The following SMOC1 variants were observed in gnomAD, a reference collection of about 807,000 sequenced individuals.
SMOC1 encodes SPARC-related modular calcium-binding protein 1.
A neutral mutation model predicts 56.3 loss-of-function variants in SMOC1; 22 were observed. The ratio of observed to expected loss-of-function variants is 0.39; its 90% CI spans 0.28 to 0.56. The LOEUF is 0.56. Among genes scored for constraint, SMOC1 ranks in the 20% least tolerant of loss-of-function variants. The pLI, the probability that SMOC1 is intolerant of heterozygous loss-of-function variation, is 0.61. For synonymous variants in SMOC1, 193 were observed against 215.0 expected, an observed-to-expected ratio of 0.90 and a Z score of 0.89; for missense variants, 509 against 565.4, an observed-to-expected ratio of 0.90 and a Z score of 1.01.
chr14:69,940,928 T>A (rs1469936647), intron 1 of SMOC1, among the ~76,000 whole-genome samples: 1 of 152,110 alleles, frequency 6.6e-6, no homozygotes, highest in African/African-American at 2.4e-5. Flanking sequence ...TAGTATTTAG[T>A]GACAGGGCAG....
At chr14:69,945,889 C>A (rs913215401) in intron 1 of SMOC1, among the ~76,000 whole-genome samples, 1 of 152,172 alleles carries the variant, frequency 6.6e-6, no homozygotes, top group African/African-American at 2.4e-5. Context: ...TCCTTCTCTA[C>A]ACCCAGGAAA....
chr14:69,895,772 G>T (rs914593967), intron 1 of SMOC1, among the ~76,000 whole-genome samples: 1 of 151,952 alleles, frequency 6.6e-6, no homozygotes, highest in African/African-American at 2.4e-5. Context: ...CCCCCATCAA[G>T]GTAGAGCCTT....
intron 1 of SMOC1, among the ~76,000 whole-genome samples, chr14:69,937,520 A>G (rs1460281552): frequency 1.3e-5 from 2 of 152,094 alleles, no homozygotes; most frequent in African/African-American, 2.4e-5. Flanking sequence ...TCCTTGGCCC[A>G]GTTTGGGTCA....
At chr14:69,996,643 A>T (rs1384552776) in intron 7 of SMOC1, among the ~76,000 whole-genome samples, 1 of 152,208 alleles carries the variant, frequency 6.6e-6, no homozygotes, top group African/African-American at 2.4e-5. Flanking sequence ...TGGCCTGGCC[A>T]CGTTTATTTT....
intron 1 of SMOC1, among the ~76,000 whole-genome samples, chr14:69,932,505 A>G (rs1885193488): frequency 6.6e-6 from 1 of 152,232 alleles, no homozygotes; most frequent in Non-Finnish European, 1.5e-5. Flanking sequence ...GAATGGGGGC[A>G]GTGGGAGCTG....
intron 1 of SMOC1, chr14:69,886,173 C>T: frequency 9.9e-7 from 1 of 1,014,022 alleles, no homozygotes; most frequent in Non-Finnish European, 1.5e-6. Context: ...CTCCTTTGAA[C>T]AACTTCTATA....
In SMOC1 at chr14:69,942,858, G is replaced by C. The variant is rs372620555; in HGVS notation, c.100-9280G>C. On this transcript the variant is annotated intron_variant, in intron 1 of 11. Transcript: ENST00000361956. ...CATGTAGGTTAACTTGGCCCCGTTTGCGTTCTTATTAGGGTCTCTTTAGAT... is the reference window on the plus strand; with the variant it reads ...CATGTAGGTTAACTTGGCCCCGTTTCCGTTCTTATTAGGGTCTCTTTAGAT... Among the ~76,000 whole-genome samples the C allele has an allele frequency of 4.0e-4, 61 of 152,316 alleles. No individual in the cohort carries two copies. In the East Asian group the frequency reaches 9.8e-3, roughly 25 times the overall value.
intron 3 of SMOC1, among the ~76,000 whole-genome samples, chr14:69,959,006 A>G (rs1354377804): frequency 6.6e-6 from 1 of 152,228 alleles, no homozygotes; most frequent in Non-Finnish European, 1.5e-5. Flanking sequence ...ACAATATGGA[A>G]GTATATAAGG....
At chr14:70,001,972 G>C (rs374586037) in intron 7 of SMOC1, among the ~76,000 whole-genome samples, 1 of 152,182 alleles carries the variant, frequency 6.6e-6, no homozygotes, top group Non-Finnish European at 1.5e-5. Flanking sequence ...CCTTCGATAG[G>C]AGTATGCAGG....
intron 1 of SMOC1, among the ~76,000 whole-genome samples, chr14:69,949,012 A>T (rs1044662317): frequency 3.3e-5 from 5 of 152,194 alleles, no homozygotes; most frequent in African/African-American, 1.2e-4. Flanking sequence ...GACTTCACAA[A>T]GTCAAAAACT....
chr14:69,949,146 G>A (rs1003181287), intron 1 of SMOC1, among the ~76,000 whole-genome samples: 6 of 152,226 alleles, frequency 3.9e-5, no homozygotes, highest in Non-Finnish European at 7.3e-5. Flanking sequence ...TTGTTCTGAG[G>A]TGGAGTAAAG....
Position 69,952,219 on chromosome 14 carries a change from A to G in SMOC1, c.181A>G (p.Arg61Gly). 1 of 1,614,110 alleles carries G rather than the reference A, an allele frequency of 6.2e-7. No homozygotes were observed. Among genetic ancestry groups the G allele is most frequent in the South Asian group, 1.1e-5 (1 of 91,076 alleles). Residue 61 changes from arginine to glycine, a missense_variant, in exon 2 of 12, where the codon AGG (arginine) becomes GGG (glycine). By Grantham distance (125) the Arg-to-Gly change is moderately radical. Around this residue, in one of 3 missense-constraint regions of SMOC1, gnomAD observed 315 missense variants for 333.1 expected, o/e 0.95. Coordinates refer to ENST00000361956, the MANE Select transcript of SMOC1 (RefSeq NM_001034852.3). The stretch of plus-strand genomic sequence containing the variant: ...CAAACCCATCTGTGCCTCTGATGGC[A>G]GGTCCTACGAGTCCATGTGTGAGTA... ...QPKPICASDG[R>G]SYESMCEYQR...
chr14:69,923,356 G>A (rs914132498), intron 1 of SMOC1, among the ~76,000 whole-genome samples: 5 of 152,110 alleles, frequency 3.3e-5, no homozygotes, highest in African/African-American at 7.2e-5. Context: ...TTATTTCTAC[G>A]TAAATGTGAG....
At chr14:69,942,125 CTGTT>C (rs1234509977) in intron 1 of SMOC1, among the ~76,000 whole-genome samples, 1 of 152,150 alleles carries the variant, frequency 6.6e-6, no homozygotes, top group Non-Finnish European at 1.5e-5. Context: ...CATATCCTAT[CTGTT>C]TGTTTGTGAC....
chr14:69,942,662 A>G (rs1213164690), intron 1 of SMOC1, among the ~76,000 whole-genome samples: 3 of 152,144 alleles, frequency 2.0e-5, no homozygotes, highest in Non-Finnish European at 2.9e-5. Flanking sequence ...ATTATATAGT[A>G]TATAACTTTT....
intron 8 of SMOC1, 132 bp downstream of exon 8, chr14:70,011,078 A>C (rs1183739603): frequency 2.0e-6 from 2 of 1,021,516 alleles, no homozygotes; most frequent in Non-Finnish European, 2.9e-6. Flanking sequence ...AATGAGTAGA[A>C]GAGTTTCAGG....
At chr14:69,882,246 T>G (rs1194478676) in intron 1 of SMOC1, among the ~76,000 whole-genome samples, 1 of 152,192 alleles carries the variant, frequency 6.6e-6, no homozygotes, top group Non-Finnish European at 1.5e-5. Flanking sequence ...TGTTGCATTA[T>G]TCCCTGTGGG....
At chr14:69,924,450 G>C (rs1884935535) in intron 1 of SMOC1, among the ~76,000 whole-genome samples, 1 of 152,108 alleles carries the variant, frequency 6.6e-6, no homozygotes, top group South Asian at 2.1e-4. Context: ...CAGCTGGGTT[G>C]AACCTCTTTA....
intron 1 of SMOC1, among the ~76,000 whole-genome samples, chr14:69,912,519 C>G (rs1414228382): frequency 6.6e-6 from 1 of 152,224 alleles, no homozygotes; most frequent in Non-Finnish European, 1.5e-5. Context: ...TCCTAAAGTG[C>G]TGAGATTACA....
Sources: allele counts gnomAD v4.1 joint callset (sites outside exome capture counted in the v4.1 genomes callset), GRCh38; gene constraint gnomAD v4.1.1; regional missense constraint gnomAD v4.1.1; transcripts MANE v1.5; gene names NCBI Gene and HGNC (gene_info 2026-07-23, HGNC 2026-07-21).